The following RBM38 variants were observed in gnomAD, a reference collection of about 807,000 sequenced individuals.
RBM38 encodes RNA-binding protein 38.
Under a neutral mutation model 23.5 loss-of-function variants are expected in RBM38, and 11 were observed. That is an observed-to-expected ratio of 0.47 (90% CI 0.29 to 0.77). The LOEUF (loss-of-function observed/expected upper bound fraction) is 0.77. Among genes scored for constraint, RBM38 ranks in the 30% least tolerant of loss-of-function variants. The pLI, the probability that RBM38 is intolerant of heterozygous loss-of-function variation, is 0.08. For missense variants in RBM38, 330 were observed against 351.9 expected (o/e 0.94, Z 0.50); for synonymous variants, 165 against 166.1 (o/e 0.99, Z 0.05).
intron 2 of RBM38, 122 bp from the exon 3 acceptor site, chr20:57,393,157 G>A: frequency 1.0e-6 from 1 of 963,294 alleles, no homozygotes; most frequent in East Asian, 2.4e-5. Context: ...GGAGGGGAGA[G>A]GAAGCGGATG....
chr20:57,395,826 A>C (rs2067269236), intron 3 of RBM38, among the ~76,000 whole-genome samples: 1 of 152,162 alleles, frequency 6.6e-6, no homozygotes. Context: ...GTGAACAATC[A>C]GGCCCCGGGA....
At position 57,393,263 on chromosome 20, in the gene RBM38, T is replaced by G; in HGVS notation, c.362-16T>G. On this transcript the variant is annotated splice_polypyrimidine_tract_variant and intron_variant, in intron 2 of 3. Coordinates refer to ENST00000356208, the MANE Select transcript of RBM38 (RefSeq NM_017495.6). ...CGTGCAGCAAGGCCAAGTCCCTGAT[T>G]GTTCTCTCGTTTTAGGCTTTGCCAT... The G allele has an allele frequency of 6.2e-7, 1 of 1,613,124 alleles. No individual in the cohort carries two copies. The highest frequency in any genetic ancestry group is 8.5e-7 in the Non-Finnish European group (1 of 1,179,500).
At chr20:57,394,116 C>T (rs1659074043) in intron 3 of RBM38, among the ~76,000 whole-genome samples, 2 of 152,198 alleles carry the variant, frequency 1.3e-5, no homozygotes, top group South Asian at 4.1e-4. Context: ...GAGGGGAAGG[C>T]AGCTCAGAGA....
At chr20:57,392,900 C>T in intron 2 of RBM38, 123 bp downstream of exon 2, 1 of 1,344,456 alleles carries the variant, frequency 7.4e-7, no homozygotes, top group Non-Finnish European at 1.0e-6. Flanking sequence ...CATGTGCCTG[C>T]AGAGCCGGCA....
rs531982731 is a variant in RBM38, at chr20:57,397,595, G to A, written c.416+4262G>A. Among the ~76,000 whole-genome samples the A allele has an allele frequency of 3.9e-5, 6 of 152,318 alleles. No individual in the cohort carries two copies. In the South Asian group the frequency reaches 1.0e-3, roughly 26 times the overall value. ...CGGGGCCTTGGTGTGTGCACACCAC[G>A]GGGCCTGGACAGAGCACCTGGGTCC... is the stretch of plus-strand genomic sequence containing the variant. On this transcript the variant is annotated intron_variant, in intron 3 of 3. Transcript: ENST00000356208.
chr20:57,406,818 C>T (rs1321167235), intron 3 of RBM38, among the ~76,000 whole-genome samples: 1 of 152,056 alleles, frequency 6.6e-6, no homozygotes, highest in Non-Finnish European at 1.5e-5. Context: ...ACGGTGAAAC[C>T]TCATCTCTAC....
Position 57,391,751 on chromosome 20 carries a change from TC to T in RBM38, c.171del (p.Phe57LeufsTer24). The T allele has an allele frequency of 6.4e-7, 1 of 1,570,004 alleles. No homozygotes were observed. The highest frequency in any genetic ancestry group is 1.4e-5 in the African/African-American group (1 of 72,078). On this transcript the variant is annotated frameshift_variant, in exon 1 of 4. Coordinates refer to ENST00000356208, the MANE Select transcript of RBM38 (RefSeq NM_017495.6). LOFTEE classifies it high-confidence loss of function. ...TCGCTCAGGAAGTACTTCGAGGGCT[TC>T]GGCGACATCGAGGAGGCCGTGGTCA... ...DASLRKYFEG[F>X]GDIEEAVVIT... is the part of the protein sequence containing the mutation.
chr20:57,396,767 G>C (rs2067278872), intron 3 of RBM38, among the ~76,000 whole-genome samples: 2 of 152,196 alleles, frequency 1.3e-5, no homozygotes, highest in Non-Finnish European at 2.9e-5. Flanking sequence ...TGGATTTAGT[G>C]GCATGAGGAC....
intron 2 of RBM38, chr20:57,393,013 C>T: frequency 1.5e-6 from 1 of 675,476 alleles, no homozygotes; most frequent in Non-Finnish European, 2.5e-6. Context: ...CAGTTGCCAG[C>T]TGTCCTCGCA....
chr20:57,399,897 G>T (rs1192528814), intron 3 of RBM38: 1 of 456,346 alleles, frequency 2.2e-6, no homozygotes, highest in Admixed American at 2.3e-5. Flanking sequence ...AGTGAAATGG[G>T]CTCATTTGCC....
At chr20:57,404,432 T>A (rs2064723) in intron 3 of RBM38, among the ~76,000 whole-genome samples, 135,687 of 152,210 alleles carry the variant, frequency 0.89, 60,783 homozygotes, top group East Asian at 1. Context: ...CATAGCCTCC[T>A]ACTAAGGAAT....
At chr20:57,394,198 G>T (rs1017087867) in intron 3 of RBM38, among the ~76,000 whole-genome samples, 1 of 152,162 alleles carries the variant, frequency 6.6e-6, no homozygotes, top group Admixed American at 6.5e-5. Flanking sequence ...AGTTGATCAC[G>T]TGTGTGTGCT....
intron 3 of RBM38, among the ~76,000 whole-genome samples, chr20:57,395,672 G>C (rs1002874337): frequency 6.6e-6 from 1 of 152,220 alleles, no homozygotes; most frequent in East Asian, 1.9e-4. Flanking sequence ...AGGTGGGTAG[G>C]GGGAGGCTCC....
In RBM38 at chr20:57,409,300, GATAAAA is replaced by G. The variant is rs893416110; in HGVS notation, c.*1461_*1466del. 2 of 152,418 alleles carry G rather than the reference GATAAAA, an allele frequency of 1.3e-5. No homozygotes were observed. The highest frequency in any genetic ancestry group is 2.1e-4 in the South Asian group (1 of 4,834). The allele number at this position is 152,418 out of a possible 1,614,324, so 9.4% of individuals were successfully genotyped here. ...AATATTTTTATTAGAATGTTCTGAT[GATAAAA>G]ATAAAACTTGTTTTCTTTAAAGAAA... On this transcript the variant is annotated 3_prime_UTR_variant, in exon 4 of 4. Transcript: ENST00000356208.
intron 1 of RBM38, 60 bp from the exon 2 acceptor site, chr20:57,392,594 C>T (rs893375102): frequency 6.4e-7 from 1 of 1,558,262 alleles, no homozygotes; most frequent in Non-Finnish European, 8.7e-7. Context: ...GCGGAGCCGT[C>T]TGCCCCTTTC....
intron 3 of RBM38, among the ~76,000 whole-genome samples, chr20:57,396,413 C>A (rs2067275382): frequency 6.6e-6 from 1 of 152,204 alleles, no homozygotes; most frequent in African/African-American, 2.4e-5. Context: ...TGTGTCCAGG[C>A]AGAGCTTAGT....
In RBM38 at chr20:57,398,206, T is replaced by C. The variant is rs543467877; in HGVS notation, c.416+4873T>C. Among the ~76,000 whole-genome samples the C allele has an allele frequency of 3.3e-5, 5 of 152,180 alleles. No individual in the cohort carries two copies. In the South Asian group the frequency reaches 1.0e-3, roughly 32 times the overall value. On this transcript the variant is annotated intron_variant, in intron 3 of 3. Coordinates refer to ENST00000356208, the MANE Select transcript of RBM38 (RefSeq NM_017495.6). ...TTGGGAGTCTTTTATTATTTTATAA[T>C]ACAAAGTGAAACAAAGCCAGAGGAG...
intron 3 of RBM38, among the ~76,000 whole-genome samples, chr20:57,401,803 C>T (rs2067330957): frequency 2.0e-5 from 3 of 152,040 alleles, no homozygotes; most frequent in Non-Finnish European, 4.4e-5. Flanking sequence ...CCAGGGAGGG[C>T]GCAGTGCAAG....
chr20:57,392,963 C>T (rs2067236599), intron 2 of RBM38, 186 bp downstream of exon 2: 2 of 845,374 alleles, frequency 2.4e-6, no homozygotes, highest in Admixed American at 5.8e-5. Context: ...CAGCGTGTGG[C>T]CCAAAGAAGG....
Sources: allele counts gnomAD v4.1 joint callset (sites outside exome capture counted in the v4.1 genomes callset), GRCh38; gene constraint gnomAD v4.1.1; transcripts MANE v1.5; gene names NCBI Gene and HGNC (gene_info 2026-07-23, HGNC 2026-07-21).